The following LIN7A variants were observed in gnomAD, a reference collection of about 807,000 sequenced individuals.
The protein encoded by LIN7A is lin-7 cell polarity scaffold A.
LIN7A carries 25 observed loss-of-function variants against 29.8 expected under a neutral mutation model. The ratio of observed to expected loss-of-function variants is 0.84; its 90% CI spans 0.61 to 1.17. The LOEUF (loss-of-function observed/expected upper bound fraction) is 1.17. Ranked by LOEUF, LIN7A falls within the 50% of genes most tolerant of loss-of-function variation. LIN7A has a pLI of 0.00. For synonymous variants in LIN7A, 118 were observed against 107.5 expected (o/e 1.10, Z -0.60); for missense variants, 239 against 287.0 (o/e 0.83, Z 1.21).
intron 5 of LIN7A, among the ~76,000 whole-genome samples, chr12:80,807,351 T>C (rs370971891): frequency 1.6e-4 from 25 of 152,268 alleles, no homozygotes; most frequent in African/African-American, 5.5e-4. Flanking sequence ...ATTACAGGCA[T>C]GAGCCACCGC....
Position 80,793,609 on chromosome 12 carries a change from A to G in LIN7A, c.*4118T>C, listed in dbSNP as rs755640434. On this transcript the variant is annotated 3_prime_UTR_variant, in exon 6 of 6. Coordinates refer to ENST00000552864, the MANE Select transcript of LIN7A (RefSeq NM_004664.4). ...TTCCAGAACCTAGCATGCACTAGGTACACAATAAGTATTTGTTAAATGAAT... is the reference window on the plus strand; with the variant it reads ...TTCCAGAACCTAGCATGCACTAGGTGCACAATAAGTATTTGTTAAATGAAT... 1 of 152,166 alleles carries G rather than the reference A, an allele frequency of 6.6e-6. No individual in the cohort carries two copies. Among genetic ancestry groups the G allele is most frequent in the Non-Finnish European group, 1.5e-5 (1 of 68,016 alleles). The allele number at this position is 152,166 out of a possible 1,614,324, so 9.4% of individuals were successfully genotyped here.
chr12:80,851,738 GTA>G (rs1371797635), intron 2 of LIN7A, among the ~76,000 whole-genome samples: 2 of 147,550 alleles, frequency 1.4e-5, no homozygotes, highest in Non-Finnish European at 3.0e-5. Flanking sequence ...GTCCCAGAAT[GTA>G]TGACAAACTT....
chr12:80,792,791 G>A lies in LIN7A; in HGVS notation c.*4936C>T, dbSNP rs1870264449. ...TTTTGTAGCACCAAATAGACACAGCGGCTAACAAGAAATAAATCTGAAAAG... is the reference window on the plus strand; with the variant it reads ...TTTTGTAGCACCAAATAGACACAGCAGCTAACAAGAAATAAATCTGAAAAG... On this transcript the variant is annotated 3_prime_UTR_variant, in exon 6 of 6. Coordinates refer to ENST00000552864, the MANE Select transcript of LIN7A (RefSeq NM_004664.4). 3 of 152,056 alleles carry A rather than the reference G, an allele frequency of 2.0e-5. No homozygotes were observed. The highest frequency in any genetic ancestry group is 1.9e-4 in the East Asian group (1 of 5,170). The allele number at this position is 152,056 out of a possible 1,614,324, so 9.4% of individuals were successfully genotyped here.
chr12:80,890,041 G>A (rs568183597), intron 1 of LIN7A, among the ~76,000 whole-genome samples: 103 of 152,092 alleles, frequency 6.8e-4, no homozygotes, highest in African/African-American at 2.4e-3. Context: ...TTCTGATCAT[G>A]TGCCCATCTA....
At chr12:80,903,311 G>A (rs1349307220) in intron 1 of LIN7A, among the ~76,000 whole-genome samples, 2 of 151,862 alleles carry the variant, frequency 1.3e-5, no homozygotes, top group African/African-American at 4.8e-5. Context: ...AGCTATTATT[G>A]TCTGATTGAT....
intron 2 of LIN7A, among the ~76,000 whole-genome samples, 172 bp from the exon 3 acceptor site, chr12:80,848,494 A>G (rs1361204904): frequency 2.0e-5 from 3 of 152,190 alleles, no homozygotes; most frequent in Non-Finnish European, 4.4e-5. Context: ...AGCAGATATT[A>G]TTACTCATTG....
At chr12:80,854,279 A>G (rs188375194) in intron 2 of LIN7A, among the ~76,000 whole-genome samples, 76 of 152,172 alleles carry the variant, frequency 5.0e-4, no homozygotes, top group African/African-American at 1.7e-3. Context: ...ACTTGGCATT[A>G]AAAAGGAACA....
chr12:80,805,717 C>T (rs553420015), intron 5 of LIN7A, among the ~76,000 whole-genome samples: 16 of 151,968 alleles, frequency 1.1e-4, no homozygotes, highest in Admixed American at 8.5e-4. Flanking sequence ...GACTGTGTCC[C>T]CACCCAAATC....
chr12:80,799,036 G>A (rs1336555910), intron 5 of LIN7A, among the ~76,000 whole-genome samples: 3 of 152,046 alleles, frequency 2.0e-5, no homozygotes, highest in Non-Finnish European at 4.4e-5. Context: ...CTGGCCTAGA[G>A]GCTGAGTTCT....
At chr12:80,881,377 G>C (rs1875026744) in intron 2 of LIN7A, among the ~76,000 whole-genome samples, 1 of 152,114 alleles carries the variant, frequency 6.6e-6, no homozygotes. Context: ...AATGTGAACA[G>C]AAAGAGATAT....
At chr12:80,854,821 T>C (rs1460564538) in intron 2 of LIN7A, among the ~76,000 whole-genome samples, 1 of 152,098 alleles carries the variant, frequency 6.6e-6, no homozygotes, top group East Asian at 1.9e-4. Flanking sequence ...GCAGAAAATA[T>C]TTTAAAGAGA....
intron 2 of LIN7A, among the ~76,000 whole-genome samples, chr12:80,872,832 A>G (rs1033454840): frequency 6.6e-6 from 1 of 152,236 alleles, no homozygotes; most frequent in Non-Finnish European, 1.5e-5. Context: ...AGAAATTTTT[A>G]TAGAATCCAG....
At chr12:80,857,859 A>G (rs1035371300) in intron 2 of LIN7A, among the ~76,000 whole-genome samples, 1 of 152,212 alleles carries the variant, frequency 6.6e-6, no homozygotes, top group African/African-American at 2.4e-5. Context: ...TTTATAGATT[A>G]AGTTTAATGA....
chr12:80,901,279 A>G (rs1432058348), intron 1 of LIN7A, among the ~76,000 whole-genome samples: 8 of 152,182 alleles, frequency 5.3e-5, no homozygotes, highest in African/African-American at 1.7e-4. Flanking sequence ...TTGATTTTAG[A>G]TGCAGCTAGG....
intron 1 of LIN7A, among the ~76,000 whole-genome samples, chr12:80,935,197 C>T (rs1470386620): frequency 6.6e-6 from 1 of 152,140 alleles, no homozygotes; most frequent in Non-Finnish European, 1.5e-5. Context: ...TAGAAATGGT[C>T]TCTTCCCTCA....
chr12:80,932,188 G>C (rs1223365769), intron 1 of LIN7A, among the ~76,000 whole-genome samples: 3 of 152,194 alleles, frequency 2.0e-5, no homozygotes, highest in Non-Finnish European at 2.9e-5. Flanking sequence ...AGGGAAAAGA[G>C]AAAAATTGTA....
rs554856963 is a variant in LIN7A, at chr12:80,858,373, A to T, written c.202-10051T>A. ...TATTTCCTAGTGGCTCTTAACATAT[A>T]TAACTTTAATAAAGTAGTTCACATC... On this transcript the variant is annotated intron_variant, in intron 2 of 5. Transcript: ENST00000552864. Among the ~76,000 whole-genome samples the T allele has an allele frequency of 8.5e-5, 13 of 152,292 alleles. No individual in the cohort carries two copies. The East Asian group carries it at 2.1e-3, about 25-fold the overall frequency.
chr12:80,927,163 T>C (rs1262008878), intron 1 of LIN7A, among the ~76,000 whole-genome samples: 2 of 125,890 alleles, frequency 1.6e-5, no homozygotes, highest in South Asian at 2.8e-4. Context: ...TTCTTTTTTT[T>C]TTTTTTTTTT....
intron 2 of LIN7A, among the ~76,000 whole-genome samples, chr12:80,874,950 G>T (rs1194653098): frequency 6.6e-6 from 1 of 152,204 alleles, no homozygotes; most frequent in Non-Finnish European, 1.5e-5. Flanking sequence ...GCAGTGAGCC[G>T]AGATGGCGCC....
Sources: allele counts gnomAD v4.1 joint callset (sites outside exome capture counted in the v4.1 genomes callset), GRCh38; gene constraint gnomAD v4.1.1; transcripts MANE v1.5; gene names NCBI Gene and HGNC (gene_info 2026-07-23, HGNC 2026-07-21).